The following CDC14A variants were observed in gnomAD, a reference collection of about 807,000 sequenced individuals.
CDC14A encodes dual specificity protein phosphatase CDC14A.
Under a neutral mutation model 74.4 loss-of-function variants are expected in CDC14A, and 53 were observed. The observed-to-expected ratio is 0.71, with a 90% CI of 0.57 to 0.89. CDC14A has a LOEUF of 0.89. Ranked by LOEUF, CDC14A falls within the 40% of genes least tolerant of loss-of-function variation. CDC14A has a pLI of 0.00. For synonymous variants in CDC14A, 247 were observed against 258.4 expected (o/e 0.96, Z 0.43); for missense variants, 646 against 713.7 (o/e 0.91, Z 1.08).
intron 2 of CDC14A, among the ~76,000 whole-genome samples, chr1:100,363,750 G>C (rs1321801062): frequency 2.0e-5 from 3 of 152,026 alleles, no homozygotes; most frequent in Non-Finnish European, 4.4e-5. Context: ...TGGCATTTCA[G>C]TGAGACAGCT....
chr1:100,347,054 T>C (rs1445408601), intron 1 of CDC14A, among the ~76,000 whole-genome samples: 3 of 152,258 alleles, frequency 2.0e-5, no homozygotes, highest in Non-Finnish European at 4.4e-5. Context: ...ATATTTCCTC[T>C]AAATATCTTG....
At chr1:100,414,280 A>G (rs1661236479) in intron 4 of CDC14A, among the ~76,000 whole-genome samples, 6 of 149,936 alleles carry the variant, frequency 4.0e-5, no homozygotes, top group Admixed American at 4.0e-4. Context: ...AGCGTGGGCA[A>G]CATAGTAGAC....
chr1:100,494,979 A>G (rs750919665), intron 12 of CDC14A, 49 bp downstream of exon 12: 1 of 931,438 alleles, frequency 1.1e-6, no homozygotes, highest in Non-Finnish European at 1.7e-6. Flanking sequence ...CCCTTTGTGA[A>G]TAGAACATTT....
chr1:100,412,696 TTA>T (rs139550432), intron 4 of CDC14A, among the ~76,000 whole-genome samples: 27,158 of 73,974 alleles, frequency 0.37, 5,736 homozygotes, highest in Non-Finnish European at 0.41. Context: ...CCTGTATGTT[TTA>T]TATATATATA....
chr1:100,367,310 T>TCC (rs971046533), intron 2 of CDC14A, among the ~76,000 whole-genome samples: 8 of 152,216 alleles, frequency 5.3e-5, no homozygotes, highest in African/African-American at 1.9e-4. Context: ...ATTTTGAATT[T>TCC]CCCTCTAGCT....
intron 15 of CDC14A, among the ~76,000 whole-genome samples, chr1:100,517,833 A>G (rs28364922): frequency 0.016 from 2,506 of 152,340 alleles, 63 homozygotes; most frequent in African/African-American, 0.057. Context: ...GAAGCATGCC[A>G]TTGATATGTA....
At chr1:100,465,567 A>G (rs181482434) in intron 9 of CDC14A, among the ~76,000 whole-genome samples, 2 of 152,354 alleles carry the variant, frequency 1.3e-5, no homozygotes, top group Admixed American at 1.3e-4. Context: ...AACTAAAAGA[A>G]GGAAGGAGAA....
intron 3 of CDC14A, among the ~76,000 whole-genome samples, chr1:100,386,583 G>T (rs1474608047): frequency 6.6e-6 from 1 of 152,032 alleles, no homozygotes; most frequent in Non-Finnish European, 1.5e-5. Flanking sequence ...ATCACTTGAG[G>T]TCAGGAGTTC....
intron 10 of CDC14A, among the ~76,000 whole-genome samples, chr1:100,481,279 G>A (rs1669444750): frequency 2.0e-5 from 3 of 152,198 alleles, no homozygotes; most frequent in Non-Finnish European, 4.4e-5. Context: ...GGACTTTGGG[G>A]TCAGGGTTGA....
At chr1:100,465,437 A>C (rs77061065) in intron 9 of CDC14A, among the ~76,000 whole-genome samples, 133 of 152,316 alleles carry the variant, frequency 8.7e-4, no homozygotes, top group African/African-American at 3.1e-3. Context: ...GTTTAATTAC[A>C]GCTGTATTGC....
intron 5 of CDC14A, among the ~76,000 whole-genome samples, chr1:100,436,968 T>A (rs1398989244): frequency 6.6e-6 from 1 of 152,148 alleles, no homozygotes; most frequent in African/African-American, 2.4e-5. Flanking sequence ...GGTGTATCAC[T>A]TCAGCTCAGG....
At chr1:100,424,373 T>G (rs1662708192) in intron 5 of CDC14A, 72 bp downstream of exon 5, 2 of 1,010,088 alleles carry the variant, frequency 2.0e-6, no homozygotes, top group Admixed American at 3.4e-5. Context: ...GGTTGTAGTG[T>G]TTTTTAATTG....
intron 1 of CDC14A, among the ~76,000 whole-genome samples, chr1:100,346,330 G>T (rs1211283837): frequency 1.3e-5 from 2 of 152,078 alleles, no homozygotes; most frequent in Non-Finnish European, 2.9e-5. Flanking sequence ...TATTTTTTCT[G>T]TAAAAAGAGT....
Position 100,462,738 on chromosome 1 carries a change from A to G in CDC14A, c.695A>G (p.Tyr232Cys). The change falls in exon 9 of 16, where the codon TAT becomes TGT. Residue 232 changes from tyrosine to cysteine, a missense_variant. Physicochemically the swap from Tyr to Cys is radical, Grantham distance 194. Coordinates refer to ENST00000336454, the MANE Select transcript of CDC14A (RefSeq NM_003672.4). ...GTTGTGAGGCTAAACAAAAAGATTT[A>G]TGAGGCAAAGCGCTTCACAGACGCT... Reference protein sequence around the residue: ...TAVVRLNKKIYEAKRFTDAGF... With the variant: ...TAVVRLNKKICEAKRFTDAGF... 6 of 1,614,174 alleles carry G rather than the reference A, an allele frequency of 3.7e-6. No individual in the cohort carries two copies. Among genetic ancestry groups the G allele is most frequent in the Non-Finnish European group, 5.1e-6 (6 of 1,180,008 alleles).
chr1:100,453,125 A>G (rs1666314164), intron 7 of CDC14A, among the ~76,000 whole-genome samples: 1 of 152,206 alleles, frequency 6.6e-6, no homozygotes, highest in Non-Finnish European at 1.5e-5. Flanking sequence ...GCTGCTGAAT[A>G]TAACCCAATA....
At chr1:100,476,176 G>GGCTTT (rs1180294257) in intron 10 of CDC14A, among the ~76,000 whole-genome samples, 1 of 152,196 alleles carries the variant, frequency 6.6e-6, no homozygotes, top group Non-Finnish European at 1.5e-5. Context: ...CTCTGGGCTG[G>GGCTTT]GCACGGTGGC....
Position 100,424,287 on chromosome 1 carries a change from CT to C in CDC14A, c.376del (p.Tyr126IlefsTer64), listed in dbSNP as rs759201338. ...RALLSGSNPPYLPFRDASFGN... is the reference protein window; with the variant it reads ...RALLSGSNPPXLPFRDASFGN... ...CACTCCTGTCTGGCTCAAACCCCCC[CT>C]ATCTTCCATTCAGGTATAACTCCTG... On this transcript the variant is annotated frameshift_variant, in exon 5 of 16. Transcript: ENST00000336454. LOFTEE classifies it high-confidence loss of function. 23 of 1,612,972 alleles carry C rather than the reference CT, an allele frequency of 1.4e-5. No homozygotes were observed. Among genetic ancestry groups the C allele is most frequent in the African/African-American group, 1.2e-4 (9 of 74,880 alleles).
chr1:100,373,101 G>A (rs1225782273), intron 2 of CDC14A, among the ~76,000 whole-genome samples: 5 of 152,112 alleles, frequency 3.3e-5, no homozygotes, highest in African/African-American at 9.7e-5. Flanking sequence ...CTTGGCTTTC[G>A]ATACACCTTC....
chr1:100,430,875 T>C (rs1433829727), intron 5 of CDC14A, among the ~76,000 whole-genome samples: 1 of 152,238 alleles, frequency 6.6e-6, no homozygotes, highest in African/African-American at 2.4e-5. Context: ...CAACTTTTCC[T>C]CGCTGTTTCT....
Sources: allele counts gnomAD v4.1 joint callset (sites outside exome capture counted in the v4.1 genomes callset), GRCh38; gene constraint gnomAD v4.1.1; transcripts MANE v1.5; gene names NCBI Gene and HGNC (gene_info 2026-07-23, HGNC 2026-07-21).